SMG1: variants seen among roughly 807,000 people sequenced by gnomAD.
SMG1 encodes the protein SMG1 nonsense mediated mRNA decay associated PI3K related kinase.
A neutral mutation model predicts 419.9 loss-of-function variants in SMG1; 22 were observed. The observed-to-expected ratio is 0.05, with a 90% CI of 0.04 to 0.07. SMG1 has a LOEUF of 0.07. Among genes scored for constraint, SMG1 ranks in the 10% least tolerant of loss-of-function variants. The probability of loss-of-function intolerance (pLI) is 1.00; values close to 1 mark genes in which losing one functional copy is unlikely to be tolerated. For synonymous variants in SMG1, 1,538 were observed against 1,553.5 expected, an observed-to-expected ratio of 0.99 and a Z score of 0.23; for missense variants, 3,185 against 4,342.0, an observed-to-expected ratio of 0.73 and a Z score of 7.49.
At position 18,892,601 on chromosome 16, in the gene SMG1, T is replaced by C. The variant is rs1335316544; in HGVS notation, c.413-247A>G. On this transcript the variant is annotated intron_variant, in intron 3 of 62. Transcript: ENST00000446231. ...TACATAAACTAGCCAGCCAAGGTGG[T>C]GTGCACCTGTAGTCCCAGCTACTCG... Among the ~76,000 whole-genome samples, 14 of 152,078 alleles carry C rather than the reference T, an allele frequency of 9.2e-5. 1 individual carries two copies. Among genetic ancestry groups the C allele is most frequent in the Admixed American group, 8.5e-4 (13 of 15,262 alleles).
intron 3 of SMG1, among the ~76,000 whole-genome samples, chr16:18,895,606 G>C (rs537585100): frequency 3.6e-4 from 54 of 151,460 alleles, no homozygotes; most frequent in Non-Finnish European, 7.4e-4. Flanking sequence ...ATGATGGGAT[G>C]ATCTGTGCAG....
chr16:18,837,858 A>T (rs566955756), intron 45 of SMG1, among the ~76,000 whole-genome samples, 156 bp downstream of exon 45: 171 of 152,364 alleles, frequency 1.1e-3, no homozygotes, highest in Non-Finnish European at 2.1e-3. Context: ...CCTAATAAAA[A>T]GTTAACATCA....
intron 1 of SMG1, among the ~76,000 whole-genome samples, chr16:18,915,652 G>A (rs2037940654): frequency 6.6e-6 from 1 of 152,080 alleles, no homozygotes; most frequent in African/African-American, 2.4e-5. Flanking sequence ...TCCAGATAGT[G>A]GTAAGGATAT....
intron 1 of SMG1, among the ~76,000 whole-genome samples, chr16:18,914,805 T>G (rs933670424): frequency 6.6e-6 from 1 of 152,178 alleles, no homozygotes. Flanking sequence ...AGTGCTTAAA[T>G]TTTTAGTGAT....
intron 25 of SMG1, 106 bp downstream of exon 25, chr16:18,863,544 A>T: frequency 9.8e-7 from 1 of 1,018,558 alleles, no homozygotes; most frequent in Non-Finnish European, 1.5e-6. Flanking sequence ...TAGATATATA[A>T]CCATTTTGTA....
At chr16:18,872,716 A>T in intron 13 of SMG1, 92 bp from the exon 14 acceptor site, 1 of 1,137,556 alleles carries the variant, frequency 8.8e-7, no homozygotes, top group Non-Finnish European at 1.2e-6. Context: ...GTATCTGGAC[A>T]TTTTTAAATT....
chr16:18,837,542 C>A, intron 45 of SMG1, 99 bp from the exon 46 acceptor site: 2 of 1,052,434 alleles, frequency 1.9e-6, no homozygotes, highest in Non-Finnish European at 1.4e-6. Context: ...TAAATCTCTA[C>A]AAAACCCGAA....
rs1043076829 is a variant in SMG1, at chr16:18,926,224, C to T, written c.-183G>A. Reference sequence around the variant, plus strand: ...AGGGCGGGGGAAGAGGACGGCCGTTCCGGGTTCCGCCTGAGCCCGCAGCGC... The same window carrying T: ...AGGGCGGGGGAAGAGGACGGCCGTTTCGGGTTCCGCCTGAGCCCGCAGCGC... On this transcript the variant is annotated 5_prime_UTR_variant, in exon 1 of 63. Coordinates refer to ENST00000446231, the MANE Select transcript of SMG1 (RefSeq NM_015092.5). 2.6e-4 allele frequency: 147 copies of T among 573,750 alleles called. No individual in the cohort carries two copies. The highest frequency in any genetic ancestry group is 3.5e-4 in the Non-Finnish European group (117 of 335,052). 35.5% of individuals were successfully genotyped at this position (573,750 alleles called of 1,614,324 possible). A position where few individuals can be genotyped will look rare whatever the true frequency, so the allele number is the denominator to read the frequency against.
intron 49 of SMG1, 132 bp downstream of exon 49, chr16:18,834,760 G>C: frequency 1.9e-6 from 2 of 1,025,898 alleles, no homozygotes; most frequent in Non-Finnish European, 2.9e-6. Context: ...ACACAACCAA[G>C]ATAACTAAAA....
chr16:18,850,244 G>A lies in SMG1; in HGVS notation c.5276C>T (p.Ala1759Val). The change falls in exon 34 of 63, where the codon GCT (alanine) becomes GTT (valine). Residue 1759 changes from alanine to valine, a missense_variant. Physicochemically the swap from Ala to Val is moderately conservative, Grantham distance 64 (BLOSUM62 0). Around this residue, in one of 27 missense-constraint regions of SMG1, gnomAD observed 493 missense variants for 552.9 expected, o/e 0.89. Transcript: ENST00000446231. ...GAACACTGTGCTACATACTTGACCAGCGTTGAGTTTAAGGAAAGTAAAGTA... is the reference window on the plus strand; with the variant it reads ...GAACACTGTGCTACATACTTGACCAACGTTGAGTTTAAGGAAAGTAAAGTA... ...SAYFTFLKLNAGQIPLDEDDP... is the reference protein window; with the variant it reads ...SAYFTFLKLNVGQIPLDEDDP... The A allele has an allele frequency of 1.9e-6, 3 of 1,608,432 alleles. No individual in the cohort carries two copies. The highest frequency in any genetic ancestry group is 1.1e-5 in the South Asian group (1 of 90,460).
rs144415414 is a variant in SMG1, at chr16:18,909,634, T to C, written c.93-12678A>G. On this transcript the variant is annotated intron_variant, in intron 1 of 62. Transcript: ENST00000446231. ...CAATTTAATTAGAGGTCTCAAGTAA[T>C]TCCAGAAGATATGGTCTCACAAATC... 1.7e-3 allele frequency among the ~76,000 whole-genome samples: 264 copies of C among 152,314 alleles called. 3 individuals are homozygous for C. Among genetic ancestry groups the C allele is most frequent in the African/African-American group, 5.9e-3 (245 of 41,574 alleles).
intron 15 of SMG1, 58 bp from the exon 16 acceptor site, chr16:18,871,540 T>C (rs2035823631): frequency 1.2e-6 from 1 of 804,346 alleles, no homozygotes; most frequent in Non-Finnish European, 1.9e-6. Flanking sequence ...CCAAAAAACA[T>C]TAAAAGCCTA....
chr16:18,815,906 C>T (rs1229074269), intron 58 of SMG1: 6 of 494,806 alleles, frequency 1.2e-5, no homozygotes, highest in Non-Finnish European at 2.1e-5. Flanking sequence ...AGTTTTCTTA[C>T]TTACTAGACT....
chr16:18,809,165 T>C lies in SMG1; in HGVS notation c.*404A>G, dbSNP rs1237804587. On this transcript the variant is annotated 3_prime_UTR_variant, in exon 63 of 63. Coordinates refer to ENST00000446231, the MANE Select transcript of SMG1 (RefSeq NM_015092.5). ...CTTCGCGACCCCAGTTTTCTCTGTT[T>C]CTGAGTGGGGTTTGTTTTTTTCCTG... is the stretch of plus-strand genomic sequence containing the variant. 6.0e-6 allele frequency: 1 copy of C among 166,578 alleles called. No homozygotes were observed. Among genetic ancestry groups the C allele is most frequent in the Non-Finnish European group, 1.3e-5 (1 of 76,516 alleles). The allele number at this position is 166,578 out of a possible 1,614,324, so 10.3% of individuals were successfully genotyped here.
intron 54 of SMG1, 87 bp from the exon 55 acceptor site, chr16:18,828,255 CG>C (rs1055436863): frequency 7.5e-7 from 1 of 1,328,340 alleles, no homozygotes. Flanking sequence ...CTAGGACTGG[CG>C]GAAGAGAAAA....
chr16:18,813,288 A>G (rs1356825163), intron 60 of SMG1, among the ~76,000 whole-genome samples: 1 of 152,204 alleles, frequency 6.6e-6, no homozygotes, highest in African/African-American at 2.4e-5. Context: ...TCCCACCAAC[A>G]GTGTAAAAGT....
intron 32 of SMG1, 42 bp downstream of exon 32, chr16:18,852,276 C>T (rs1181425771): frequency 1.2e-6 from 2 of 1,602,480 alleles, no homozygotes; most frequent in Non-Finnish European, 1.7e-6. Flanking sequence ...ATTTAAATAT[C>T]TATTTATGCA....
At chr16:18,847,667 A>C in intron 37 of SMG1, 60 bp from the exon 38 acceptor site, 1 of 1,605,158 alleles carries the variant, frequency 6.2e-7, no homozygotes, top group Non-Finnish European at 8.5e-7. Context: ...ACAGCTCTTC[A>C]AACACTGGAC....
At position 18,926,156 on chromosome 16, in the gene SMG1, A is replaced by AAGGAGGAGGAGG. The variant is rs367683864; in HGVS notation, c.-127_-116dup. The AAGGAGGAGGAGG allele has an allele frequency of 1.5e-3, 1,032 of 674,870 alleles. 7 individuals carry two copies. Among genetic ancestry groups the AAGGAGGAGGAGG allele is most frequent in the Middle Eastern group, 0.011 (26 of 2,328 alleles). The allele number at this position is 674,870 out of a possible 1,614,324, so 41.8% of individuals were successfully genotyped here. ...GCCCGGGGCTGAGGAGGAAGCCGAG[A>AAGGAGGAGGAGG]AGGAGGAGGAGGAGGAGGAGGAGGA... On this transcript the variant is annotated 5_prime_UTR_variant, in exon 1 of 63. Coordinates refer to ENST00000446231, the MANE Select transcript of SMG1 (RefSeq NM_015092.5).
Sources: allele counts gnomAD v4.1 joint callset (sites outside exome capture counted in the v4.1 genomes callset), GRCh38; gene constraint gnomAD v4.1.1; regional missense constraint gnomAD v4.1.1; transcripts MANE v1.5; gene names NCBI Gene and HGNC (gene_info 2026-07-23, HGNC 2026-07-21).